The following PPP1R13L variants were observed in gnomAD, a reference collection of about 807,000 sequenced individuals.
The protein encoded by PPP1R13L is protein phosphatase 1 regulatory subunit 13 like.
PPP1R13L carries 50 observed loss-of-function variants against 80.9 expected under a neutral mutation model. The ratio of observed to expected loss-of-function variants is 0.62; its 90% CI spans 0.49 to 0.78. The LOEUF (loss-of-function observed/expected upper bound fraction) is 0.78, where lower values mean the gene tolerates loss of function less well. Ranked by LOEUF, PPP1R13L falls within the 30% of genes least tolerant of loss-of-function variation. The pLI, the probability that PPP1R13L is intolerant of heterozygous loss-of-function variation, is 0.00. For synonymous variants in PPP1R13L, 602 were observed against 534.3 expected, an observed-to-expected ratio of 1.13 and a Z score of -1.75; for missense variants, 1,200 against 1,205.9, an observed-to-expected ratio of 1.00 and a Z score of 0.07.
intron 3 of PPP1R13L, 125 bp downstream of exon 3, chr19:45,397,880 C>T: frequency 7.6e-7 from 1 of 1,309,802 alleles, no homozygotes; most frequent in Non-Finnish European, 1.0e-6. Flanking sequence ...CCCCTTTTTT[C>T]AAGTTCCCTT....
intron 11 of PPP1R13L, among the ~76,000 whole-genome samples, chr19:45,384,811 C>CCA (rs1181998459): frequency 6.6e-6 from 1 of 151,988 alleles, no homozygotes; most frequent in Non-Finnish European, 1.5e-5. Context: ...CGAGATTGAG[C>CCA]CACTGCACTC....
chr19:45,392,266 C>A lies in PPP1R13L; in HGVS notation c.1429G>T (p.Gly477Cys), dbSNP rs1433136769. ...EGLLTPVLEAGDVDEGPVARP... is the reference protein window; with the variant it reads ...EGLLTPVLEACDVDEGPVARP... The stretch of plus-strand genomic sequence containing the variant: ...GCTACAGGGCCTTCATCCACATCGC[C>A]AGCCTCCAGCACTGGTGTCAGCAGC... Residue 477 changes from glycine to cysteine, a missense_variant, in exon 8 of 13, where the codon GGC (glycine) becomes TGC (cysteine). This residue lies in a region of PPP1R13L where 764 missense variants were observed against 714.5 expected (regional missense o/e 1.07). Coordinates refer to ENST00000360957, the MANE Select transcript of PPP1R13L (RefSeq NM_006663.4). The A allele has an allele frequency of 6.2e-7, 1 of 1,613,348 alleles. No homozygotes were observed. The highest frequency in any genetic ancestry group is 8.5e-7 in the Non-Finnish European group (1 of 1,179,970).
chr19:45,398,304 T>C lies in PPP1R13L; in HGVS notation c.15A>G (p.Ala5=), dbSNP rs781050699. The C allele has an allele frequency of 2.0e-5, 32 of 1,613,738 alleles. No individual in the cohort carries two copies. The highest frequency in any genetic ancestry group is 2.7e-5 in the Non-Finnish European group (32 of 1,179,942). The part of the protein sequence containing the change: MDSE[A]FQSARDFLDM... The stretch of plus-strand genomic sequence containing the variant: ...CCAGAAAGTCCCGCGCGCTCTGGAA[T>C]GCCTCGCTGTCCATGGTGCCGGCCG... Residue 5 remains alanine (A), a synonymous_variant, in exon 2 of 13, where the codon GCA becomes GCG. Coordinates refer to ENST00000360957, the MANE Select transcript of PPP1R13L (RefSeq NM_006663.4).
Position 45,400,819 on chromosome 19 carries a change from C to T in PPP1R13L, c.-21-2480G>A, listed in dbSNP as rs1973217999. ...TGAGACGGAGTCTTGCTCTGTCGCC[C>T]AGGCTGGAGTTCAGTGGCGGGATCT... is the stretch of plus-strand genomic sequence containing the variant. On this transcript the variant is annotated intron_variant, in intron 1 of 12. Coordinates refer to ENST00000360957, the MANE Select transcript of PPP1R13L (RefSeq NM_006663.4). 6.0e-5 allele frequency among the ~76,000 whole-genome samples: 2 copies of T among 33,506 alleles called. 1 individual carries two copies. Among genetic ancestry groups the T allele is most frequent in the Non-Finnish European group, 8.3e-5 (2 of 24,084 alleles). 22.0% of individuals were successfully genotyped at this position (33,506 alleles called of 152,430 possible).
chr19:45,384,869 A>G (rs1459097043), intron 11 of PPP1R13L, among the ~76,000 whole-genome samples: 1 of 151,822 alleles, frequency 6.6e-6, no homozygotes, highest in Non-Finnish European at 1.5e-5. Flanking sequence ...TAATAAATAA[A>G]TATTTGTAGA....
intron 8 of PPP1R13L, among the ~76,000 whole-genome samples, 159 bp from the exon 9 acceptor site, chr19:45,386,339 T>G (rs997437917): frequency 2.2e-4 from 33 of 152,220 alleles, no homozygotes; most frequent in Middle Eastern, 6.8e-3. Flanking sequence ...TTCGATCTCC[T>G]CCTAGAGCCT....
At chr19:45,393,704 C>T (rs1973025430) in intron 7 of PPP1R13L, among the ~76,000 whole-genome samples, 1 of 152,020 alleles carries the variant, frequency 6.6e-6, no homozygotes. Flanking sequence ...GAAACCCCGT[C>T]TCTACTAAAA....
chr19:45,399,410 G>A (rs540263915), intron 1 of PPP1R13L, among the ~76,000 whole-genome samples: 1 of 145,126 alleles, frequency 6.9e-6, no homozygotes, highest in Non-Finnish European at 1.5e-5. Context: ...GGATCACGAG[G>A]TCAGGAGAGC....
In PPP1R13L at chr19:45,398,263, C is replaced by T; in HGVS notation, c.55+1G>A. 1 of 1,613,958 alleles carries T rather than the reference C, an allele frequency of 6.2e-7. No homozygotes were observed. Among genetic ancestry groups the T allele is most frequent in the Non-Finnish European group, 8.5e-7 (1 of 1,179,912 alleles). On this transcript the variant is annotated splice_donor_variant, in intron 2 of 12. Coordinates refer to ENST00000360957, the MANE Select transcript of PPP1R13L (RefSeq NM_006663.4). LOFTEE classifies it high-confidence loss of function. ...CAGCCCCGCCCCCTACTCCAGCTTA[C>T]ACTGGAAGTTCATGTCCAGAAAGTC...
intron 1 of PPP1R13L, chr19:45,401,884 G>A (rs1185136127): frequency 6.6e-6 from 1 of 152,092 alleles, no homozygotes; most frequent in Non-Finnish European, 1.5e-5. Context: ...AGGATCACTT[G>A]AGGCCAGGAG....
Position 45,385,704 on chromosome 19 carries a change from C to A in PPP1R13L, c.2106G>T (p.Ser702=). ...CCATGCAGATGACTGTGTCGTTGCA[C>A]GACGCCGCGCAGTGCAAGGGTGTCC... ...HGWTPLHCAA[S]CNDTVICMAL... is the part of the protein sequence containing the mutation. The change falls in exon 11 of 13, where the codon TCG becomes TCT. Residue 702 remains serine, a synonymous_variant. Transcript: ENST00000360957. 6 of 1,611,666 alleles carry A rather than the reference C, an allele frequency of 3.7e-6. No homozygotes were observed. The highest frequency in any genetic ancestry group is 5.1e-6 in the Non-Finnish European group (6 of 1,179,020).
intron 7 of PPP1R13L, among the ~76,000 whole-genome samples, chr19:45,393,388 C>T (rs949206687): frequency 1.4e-5 from 2 of 147,190 alleles, no homozygotes; most frequent in African/African-American, 2.5e-5. Context: ...GTCAGGGGTT[C>T]GAGACCAGCC....
Position 45,396,425 on chromosome 19 carries a change from G to C in PPP1R13L, c.724C>G (p.Leu242Val). The C allele has an allele frequency of 2.5e-6, 4 of 1,614,068 alleles. No individual in the cohort carries two copies. Among genetic ancestry groups the C allele is most frequent in the Non-Finnish European group, 3.4e-6 (4 of 1,179,976 alleles). The change falls in exon 5 of 13, where the codon CTG (leucine) becomes GTG (valine). Residue 242 changes from leucine (L) to valine (V), a missense_variant. This residue lies in a region of PPP1R13L where 764 missense variants were observed against 714.5 expected (regional missense o/e 1.07). Coordinates refer to ENST00000360957, the MANE Select transcript of PPP1R13L (RefSeq NM_006663.4). This position sits in a 1 kb window ranked among gnomAD's most constrained non-coding sequence, Gnocchi z 5.3. ...CAGGCTTTCGGAGGCCGCCGGCGCA[G>C]CGTCAGGTCGTCTGGGGAGAAGTTT... is the stretch of plus-strand genomic sequence containing the variant. ...PPLRAQDDLT[L>V]RRRPPKAWNE...
rs1031356123 is a variant in PPP1R13L, at chr19:45,395,799, G to A, written c.991C>T (p.Arg331Cys). The change falls in exon 7 of 13, where the codon CGC becomes TGC. Residue 331 changes from arginine to cysteine, a missense_variant. Physicochemically the swap from Arg to Cys is radical, Grantham distance 180. Around this residue, in one of 5 missense-constraint regions of PPP1R13L, gnomAD observed 764 missense variants for 714.5 expected, o/e 1.07. Coordinates refer to ENST00000360957, the MANE Select transcript of PPP1R13L (RefSeq NM_006663.4). ...GACGGCCCCGCGGAGCCCAGCGAGC[G>A]CCGGTAGCTGCCCGCGTCTGAACGC... ...DRRSDAGSYR[R>C]SLGSAGPSGT... 4.4e-6 allele frequency: 7 copies of A among 1,580,744 alleles called. No individual in the cohort carries two copies. Among genetic ancestry groups the A allele is most frequent in the East Asian group, 4.6e-5 (2 of 43,874 alleles).
rs1458132319 is a variant in PPP1R13L, at chr19:45,392,026, G to GC, written c.1668dup (p.Pro557AlafsTer15). ...TCTGGCTCCGGCCCCCCGGGCCCTG[G>GC]CCCCCCATGACGATGGAAGAGGCGG... On this transcript the variant is annotated frameshift_variant, in exon 8 of 13. Coordinates refer to ENST00000360957, the MANE Select transcript of PPP1R13L (RefSeq NM_006663.4). LOFTEE classifies it high-confidence loss of function. 2 of 1,542,602 alleles carry GC rather than the reference G, an allele frequency of 1.3e-6. No homozygotes were observed. The highest frequency in any genetic ancestry group is 8.7e-7 in the Non-Finnish European group (1 of 1,147,668).
Position 45,385,934 on chromosome 19 carries a change from G to T in PPP1R13L, c.1971C>A (p.Asn657Lys), listed in dbSNP as rs376150750. 1 of 1,612,532 alleles carries T rather than the reference G, an allele frequency of 6.2e-7. No homozygotes were observed. The highest frequency in any genetic ancestry group is 8.5e-7 in the Non-Finnish European group (1 of 1,179,450). ...TGTGCAAGGCAGTGATGCCCTCCTC[G>T]TTGGGCTGGCTCGGGTCGTTCATCT... ...VKEMNDPSQPNEEGITALHNA... is the reference protein window; with the variant it reads ...VKEMNDPSQPKEEGITALHNA... Residue 657 changes from asparagine to lysine, a missense_variant, in exon 10 of 13, where the codon AAC becomes AAA. Asn to Lys is a moderately conservative substitution (Grantham distance 94). Around this residue, in one of 5 missense-constraint regions of PPP1R13L, gnomAD observed 214 missense variants for 199.6 expected, o/e 1.07. Coordinates refer to ENST00000360957, the MANE Select transcript of PPP1R13L (RefSeq NM_006663.4).
rs760415825 is a variant in PPP1R13L, at chr19:45,398,075, G to A, written c.128C>T (p.Thr43Ile). The A allele has an allele frequency of 7.4e-6, 12 of 1,614,042 alleles. No individual in the cohort carries two copies. The highest frequency in any genetic ancestry group is 8.5e-6 in the Non-Finnish European group (10 of 1,180,042). ...TGACCACAGCGACTCCAGCTGCTTG[G>A]TCAGTTCATCCACCTTGGCCGCCGC... ...DTAAAKVDEL[T>I]KQLESLWSDS... is the part of the protein sequence containing the mutation. Residue 43 changes from threonine to isoleucine, a missense_variant, in exon 3 of 13, where the codon ACC becomes ATC. Thr to Ile is a moderately conservative substitution (Grantham distance 89). Coordinates refer to ENST00000360957, the MANE Select transcript of PPP1R13L (RefSeq NM_006663.4).
Position 45,392,046 on chromosome 19 carries a change from A to AG in PPP1R13L, c.1648dup (p.Leu550ProfsTer22), listed in dbSNP as rs1972984855. On this transcript the variant is annotated frameshift_variant, in exon 8 of 13. Coordinates refer to ENST00000360957, the MANE Select transcript of PPP1R13L (RefSeq NM_006663.4). LOFTEE classifies it high-confidence loss of function. ...CCCTGGCCCCCCATGACGATGGAAGAGGCGGCTGATGATCTGCTGGTACTG... is the reference window on the plus strand; with the variant it reads ...CCCTGGCCCCCCATGACGATGGAAGAGGGCGGCTGATGATCTGCTGGTACTG... 6.5e-7 allele frequency: 1 copy of AG among 1,542,086 alleles called. No homozygotes were observed. Among genetic ancestry groups the AG allele is most frequent in the Non-Finnish European group, 8.7e-7 (1 of 1,147,206 alleles).
Position 45,395,466 on chromosome 19 carries a change from G to T in PPP1R13L, c.1324C>A (p.Pro442Thr). ...TTCACAGGGGGCCATGTCTGTTGGG[G>T]ATGCTGGGGGGCTGGGGTAGGGGTT... Reference protein sequence around the residue: ...PQTPTPAPQHPQQTWPPVNEG... With the variant: ...PQTPTPAPQHTQQTWPPVNEG... Residue 442 changes from proline (P) to threonine (T), a missense_variant, in exon 7 of 13, where the codon CCC (proline) becomes ACC (threonine). This residue lies in a region of PPP1R13L where 764 missense variants were observed against 714.5 expected (regional missense o/e 1.07). Transcript: ENST00000360957. 3 of 1,191,838 alleles carry T rather than the reference G, an allele frequency of 2.5e-6. No individual in the cohort carries two copies. The highest frequency in any genetic ancestry group is 3.6e-6 in the Non-Finnish European group (3 of 837,970). 73.8% of individuals were successfully genotyped at this position (1,191,838 alleles called of 1,614,324 possible).
Sources: gnomAD v4.1 joint callset for allele counts (sites outside exome capture counted in the v4.1 genomes callset) on GRCh38, gnomAD v4.1.1 for gene constraint, gnomAD v4.1.1 regional missense constraint, Gnocchi (gnomAD v3.1) non-coding constraint, MANE v1.5 for transcripts, NCBI Gene and HGNC (gene_info 2026-07-23, HGNC 2026-07-21) for gene names.